The following MED12L variants were observed in gnomAD, a reference collection of about 807,000 sequenced individuals.
MED12L encodes the protein mediator of RNA polymerase II transcription subunit 12-like protein.
MED12L carries 60 observed loss-of-function variants against 281.3 expected under a neutral mutation model. The ratio of observed to expected loss-of-function variants is 0.21; its 90% CI spans 0.17 to 0.26. MED12L has a LOEUF of 0.26. Ranked by LOEUF, MED12L falls within the 10% of genes least tolerant of loss-of-function variation. The pLI is 1.00. For synonymous variants in MED12L, 974 were observed against 987.2 expected (o/e 0.99, Z 0.25); for missense variants, 2,146 against 2,680.9 (o/e 0.80, Z 4.41).
intron 21 of MED12L, among the ~76,000 whole-genome samples, chr3:151,363,865 A>G (rs2107897019): frequency 6.6e-6 from 1 of 152,298 alleles, no homozygotes; most frequent in East Asian, 1.9e-4. Context: ...CATTTTGGTA[A>G]ACATTGAACT....
intron 16 of MED12L, among the ~76,000 whole-genome samples, chr3:151,257,045 C>A (rs900973414): frequency 6.6e-6 from 1 of 151,936 alleles, no homozygotes; most frequent in Non-Finnish European, 1.5e-5. Context: ...AGAAAAGCAG[C>A]ACGATACAGC....
In MED12L at chr3:151,230,226, G is replaced by A. The variant is rs771281564; in HGVS notation, c.2250+36560G>A. ...CCTGACCTTGTGATCCGCAAGTCTC[G>A]GCCTCCTAAAGTGCTGGGATTACAG... On this transcript the variant is annotated intron_variant, in intron 16 of 44. Transcript: ENST00000687756. 3.9e-5 allele frequency among the ~76,000 whole-genome samples: 6 copies of A among 152,238 alleles called. No individual in the cohort carries two copies. In the East Asian group the frequency reaches 7.7e-4, roughly 20 times the overall value.
chr3:151,391,297 CAG>C (rs2108228729), intron 38 of MED12L, among the ~76,000 whole-genome samples: 2 of 152,310 alleles, frequency 1.3e-5, no homozygotes, highest in South Asian at 4.1e-4. Flanking sequence ...ATTCCTAGCT[CAG>C]GGCATTTGTG....
At position 151,430,377 on chromosome 3, in the gene MED12L, T is replaced by G. The variant is rs1464185844; in HGVS notation, c.6487T>G (p.Ser2163Ala). The change falls in exon 44 of 45, where the codon TCC becomes GCC. Residue 2163 changes from serine to alanine, a missense_variant. By Grantham distance (99) the Ser-to-Ala change is moderately conservative. Around this residue, in one of 9 missense-constraint regions of MED12L, gnomAD observed 25 missense variants for 24.9 expected, o/e 1.00. Transcript: ENST00000687756. ...ALVRQLQKQL[S>A]SNQPQQGVTP... Reference sequence around the variant, plus strand: ...GGTGCGGCAGCTCCAGAAGCAGCTTTCCAGTAAGTACCCCTGTGTGTCATG... The same window carrying G: ...GGTGCGGCAGCTCCAGAAGCAGCTTGCCAGTAAGTACCCCTGTGTGTCATG... 6.2e-7 allele frequency: 1 copy of G among 1,614,114 alleles called. No individual in the cohort carries two copies. The highest frequency in any genetic ancestry group is 2.2e-5 in the East Asian group (1 of 44,872).
chr3:151,338,206 T>C lies in MED12L; in HGVS notation c.2251-11853T>C, dbSNP rs746513347. The C allele has an allele frequency of 1.1e-5, 17 of 1,614,128 alleles. No homozygotes were observed. In the Admixed American group the frequency reaches 2.5e-4, roughly 24 times the overall value. ...CTTACGTATGACCGGTACAGTTCTT[T>C]TGTAATGAGTGTATAACATACAATA... On this transcript the variant is annotated intron_variant, in intron 16 of 44. Transcript: ENST00000687756.
intron 16 of MED12L, among the ~76,000 whole-genome samples, chr3:151,331,486 T>TA (rs762692677): frequency 2.2e-4 from 33 of 152,210 alleles, no homozygotes; most frequent in Non-Finnish European, 4.3e-4. Context: ...GTTAAAAGAA[T>TA]AAAATGAGTG....
chr3:151,328,421 A>G (rs1164933189), intron 16 of MED12L: 6 of 1,613,302 alleles, frequency 3.7e-6, no homozygotes, highest in Non-Finnish European at 5.1e-6. Context: ...AAACTGGCAT[A>G]TGTTATTTAC....
At chr3:151,352,674 T>C (rs887149578) in intron 17 of MED12L, among the ~76,000 whole-genome samples, 25 of 152,174 alleles carry the variant, frequency 1.6e-4, no homozygotes, top group African/African-American at 6.0e-4. Context: ...ATCAGCCAGG[T>C]CTTGCCTAGG....
intron 16 of MED12L, among the ~76,000 whole-genome samples, chr3:151,281,514 A>G (rs1199726267): frequency 6.6e-6 from 1 of 152,216 alleles, no homozygotes; most frequent in African/African-American, 2.4e-5. Flanking sequence ...AACATAGCCA[A>G]TAACGACATT....
In MED12L at chr3:151,156,219, T is replaced by A; in HGVS notation, c.615T>A (p.Phe205Leu). ...LREQLAKISDFYHMASSTGDG... is the reference protein window; with the variant it reads ...LREQLAKISDLYHMASSTGDG... Reference sequence around the variant, plus strand: ...AGCAGTTGGCCAAGATTTCTGACTTTTACCACATGGCCTCCAGCACGGGCG... The same window carrying A: ...AGCAGTTGGCCAAGATTTCTGACTTATACCACATGGCCTCCAGCACGGGCG... The change falls in exon 6 of 45, where the codon TTT (phenylalanine) becomes TTA (leucine). Residue 205 changes from phenylalanine (F) to leucine (L), a missense_variant. Around this residue, in one of 9 missense-constraint regions of MED12L, gnomAD observed 722 missense variants for 861.2 expected, o/e 0.84. Transcript: ENST00000687756. 1 of 1,613,496 alleles carries A rather than the reference T, an allele frequency of 6.2e-7. No individual in the cohort carries two copies. The highest frequency in any genetic ancestry group is 8.5e-7 in the Non-Finnish European group (1 of 1,179,722).
intron 16 of MED12L, among the ~76,000 whole-genome samples, chr3:151,292,396 C>T (rs890768745): frequency 6.6e-6 from 1 of 151,284 alleles, no homozygotes; most frequent in African/African-American, 2.4e-5. Context: ...AAAAGATTCT[C>T]CTGCCTCAGC....
intron 16 of MED12L, among the ~76,000 whole-genome samples, chr3:151,270,765 C>G (rs1185779929): frequency 6.6e-6 from 1 of 152,098 alleles, no homozygotes; most frequent in Non-Finnish European, 1.5e-5. Context: ...GGCATCTTTG[C>G]AGTTTAACAT....
chr3:151,188,222 T>TA, intron 12 of MED12L, 132 bp from the exon 13 acceptor site: 1 of 614,808 alleles, frequency 1.6e-6, no homozygotes. Context: ...GTCCCTTAAA[T>TA]AAGTACAGAC....
intron 16 of MED12L, chr3:151,294,170 T>A: frequency 6.5e-7 from 1 of 1,543,448 alleles, no homozygotes; most frequent in Non-Finnish European, 8.9e-7. Flanking sequence ...ATAAAAGGCC[T>A]ACACATCAGT....
intron 16 of MED12L, among the ~76,000 whole-genome samples, chr3:151,329,312 G>C (rs890754863): frequency 1.3e-5 from 2 of 152,132 alleles, no homozygotes; most frequent in Admixed American, 1.3e-4. Context: ...CTGTTTAAGA[G>C]ATAATAATAC....
intron 41 of MED12L, among the ~76,000 whole-genome samples, chr3:151,412,583 A>G (rs963913374): frequency 1.3e-5 from 2 of 152,218 alleles, no homozygotes; most frequent in Non-Finnish European, 2.9e-5. Context: ...ATTTGAGAAA[A>G]TAGATATTTT....
intron 39 of MED12L, among the ~76,000 whole-genome samples, chr3:151,408,474 G>T (rs1336506490): frequency 6.6e-6 from 1 of 151,674 alleles, no homozygotes; most frequent in African/African-American, 2.4e-5. Flanking sequence ...CAATCAGTAA[G>T]TCCTGAAAAA....
chr3:151,255,970 C>T (rs180699383), intron 16 of MED12L, among the ~76,000 whole-genome samples: 27 of 152,286 alleles, frequency 1.8e-4, no homozygotes, highest in Admixed American at 1.8e-3. Flanking sequence ...ACTATAATGC[C>T]TAGCTCTAAG....
At chr3:151,276,946 G>A (rs1340110771) in intron 16 of MED12L, among the ~76,000 whole-genome samples, 1 of 152,042 alleles carries the variant, frequency 6.6e-6, no homozygotes. Context: ...GCCCAGACTG[G>A]AGTGCAGTGG....
Sources: allele counts gnomAD v4.1 joint callset (sites outside exome capture counted in the v4.1 genomes callset), GRCh38; gene constraint gnomAD v4.1.1; regional missense constraint gnomAD v4.1.1; transcripts MANE v1.5; gene names NCBI Gene and HGNC (gene_info 2026-07-23, HGNC 2026-07-21).